RALGAPA2: variants seen among roughly 807,000 people sequenced by gnomAD.
RALGAPA2 encodes Ral GTPase activating protein catalytic subunit alpha 2.
In RALGAPA2, 139 loss-of-function variants were observed where a neutral mutation model predicts 230.4. The observed-to-expected ratio is 0.60, with a 90% CI of 0.53 to 0.69. RALGAPA2 has a LOEUF of 0.69. Ranked by LOEUF, RALGAPA2 falls within the 30% of genes least tolerant of loss-of-function variation. The pLI, the probability that RALGAPA2 is intolerant of heterozygous loss-of-function variation, is 0.00. For synonymous variants in RALGAPA2, 847 were observed against 837.8 expected, an observed-to-expected ratio of 1.01 and a Z score of -0.19; for missense variants, 2,163 against 2,276.0, an observed-to-expected ratio of 0.95 and a Z score of 1.01.
intron 34 of RALGAPA2, chr20:20,505,002 T>C (rs1313199281): frequency 1.0e-6 from 1 of 984,796 alleles, no homozygotes; most frequent in East Asian, 1.1e-4. Context: ...TATTATATTT[T>C]CATTGCAACT....
rs757914210 is a variant in RALGAPA2 at position 20,393,236 on chromosome 20, G to A, written c.*53C>T. The A allele has an allele frequency of 2.2e-6, 3 of 1,354,820 alleles. No homozygotes were observed. The highest frequency in any genetic ancestry group is 3.0e-6 in the Non-Finnish European group (3 of 1,016,504). The allele number at this position is 1,354,820 out of a possible 1,614,324, so 83.9% of individuals were successfully genotyped here. A position where few individuals can be genotyped will look rare whatever the true frequency, so the allele number is the denominator to read the frequency against. ...AGGGGCTCTTCGAGGTCAGCACTCA[G>A]ACTGGAGGCCAGGGCCCCTGCAAAG... On this transcript the variant is annotated 3_prime_UTR_variant, in exon 40 of 40. Transcript: ENST00000202677.
At position 20,526,363 on chromosome 20, in the gene RALGAPA2, CTA is replaced by C. The variant is rs772352179; in HGVS notation, c.3583-3_3583-2del. The C allele has an allele frequency of 5.7e-6, 9 of 1,574,890 alleles. No individual in the cohort carries two copies. The highest frequency in any genetic ancestry group is 7.8e-6 in the Non-Finnish European group (9 of 1,160,844). On this transcript the variant is annotated splice_acceptor_variant and splice_polypyrimidine_tract_variant and intron_variant, in intron 27 of 39. Coordinates refer to ENST00000202677, the MANE Select transcript of RALGAPA2 (RefSeq NM_020343.4). LOFTEE classifies it high-confidence loss of function. ...CCTGGGCCACGATTTTGTTGGGAAA[CTA>C]TAAAAGGAAACCGAATCCCAAAGCA...
At chr20:20,551,634 A>G (rs2063927166) in intron 23 of RALGAPA2, among the ~76,000 whole-genome samples, 1 of 152,246 alleles carries the variant, frequency 6.6e-6, no homozygotes, top group African/African-American at 2.4e-5. Context: ...GCACAGTTCT[A>G]TAAACACAAA....
At chr20:20,676,815 T>C (rs1006317821) in intron 2 of RALGAPA2, among the ~76,000 whole-genome samples, 1 of 152,162 alleles carries the variant, frequency 6.6e-6, no homozygotes, top group Non-Finnish European at 1.5e-5. Context: ...GCGCATATCA[T>C]TTAATATAGG....
chr20:20,430,839 A>G (rs1224776234), intron 37 of RALGAPA2, among the ~76,000 whole-genome samples: 7 of 152,320 alleles, frequency 4.6e-5, no homozygotes, highest in East Asian at 3.9e-4. Context: ...AGGACAGTAC[A>G]TGAGCGAGAG....
chr20:20,407,942 G>C (rs948035511), intron 38 of RALGAPA2, among the ~76,000 whole-genome samples: 1 of 152,206 alleles, frequency 6.6e-6, no homozygotes, highest in South Asian at 2.1e-4. Flanking sequence ...ATGAAGCATA[G>C]TGAGGAATTT....
At chr20:20,515,468 A>G (rs1236174310) in intron 31 of RALGAPA2, among the ~76,000 whole-genome samples, 7 of 152,154 alleles carry the variant, frequency 4.6e-5, no homozygotes. Context: ...GCTGAAGTCT[A>G]CTCCATGAGA....
intron 12 of RALGAPA2, among the ~76,000 whole-genome samples, chr20:20,618,689 C>G (rs922922887): frequency 6.6e-6 from 1 of 152,180 alleles, no homozygotes; most frequent in African/African-American, 2.4e-5. Context: ...TTCACTTACT[C>G]TTCAAGCTAC....
chr20:20,612,412 A>G (rs535763959), intron 13 of RALGAPA2, among the ~76,000 whole-genome samples: 1 of 152,336 alleles, frequency 6.6e-6, no homozygotes, highest in South Asian at 2.1e-4. Context: ...GAATAGGACA[A>G]AGTAATCAGA....
chr20:20,505,570 T>C (rs1489133963), intron 33 of RALGAPA2, 36 bp from the exon 34 acceptor site: 4 of 1,495,066 alleles, frequency 2.7e-6, no homozygotes, highest in Non-Finnish European at 3.6e-6. Flanking sequence ...TTAGAATTCT[T>C]ATATGTAAAA....
At chr20:20,517,623 G>A (rs2062911828) in intron 31 of RALGAPA2, among the ~76,000 whole-genome samples, 2 of 152,142 alleles carry the variant, frequency 1.3e-5, no homozygotes, top group African/African-American at 4.8e-5. Context: ...CAATTCCACA[G>A]GAGACAATGA....
At chr20:20,590,016 TTAATA>T (rs1427427327) in intron 17 of RALGAPA2, among the ~76,000 whole-genome samples, 5 of 151,208 alleles carry the variant, frequency 3.3e-5, no homozygotes, top group Admixed American at 2.0e-4. Context: ...AAAAATTATA[TTAATA>T]TAATATGTAT....
chr20:20,582,978 C>T (rs1156901472), intron 20 of RALGAPA2, 72 bp downstream of exon 20: 2 of 1,498,658 alleles, frequency 1.3e-6, no homozygotes, highest in Non-Finnish European at 9.1e-7. Flanking sequence ...CCTCTGTATA[C>T]AAGACTCCAA....
At chr20:20,462,833 C>T (rs377271770) in intron 37 of RALGAPA2, among the ~76,000 whole-genome samples, 1 of 152,140 alleles carries the variant, frequency 6.6e-6, no homozygotes, top group African/African-American at 2.4e-5. Context: ...GTCTCTTATT[C>T]TAATAAGGTA....
chr20:20,401,390 A>AC (rs1208745759), intron 38 of RALGAPA2, among the ~76,000 whole-genome samples: 3 of 152,016 alleles, frequency 2.0e-5, no homozygotes, highest in Non-Finnish European at 4.4e-5. Flanking sequence ...CTGCTGTGCC[A>AC]CCCCCCAAAC....
intron 1 of RALGAPA2, among the ~76,000 whole-genome samples, chr20:20,683,514 T>A (rs1210332250): frequency 1.3e-5 from 2 of 152,176 alleles, no homozygotes; most frequent in Non-Finnish European, 2.9e-5. Flanking sequence ...TTCTTTCCAT[T>A]CCCCAAACTT....
intron 32 of RALGAPA2, 104 bp downstream of exon 32, chr20:20,512,409 C>G: frequency 8.4e-7 from 1 of 1,192,116 alleles, no homozygotes; most frequent in Non-Finnish European, 1.1e-6. Context: ...CTCCCTTCTC[C>G]TCTCTTCCCC....
chr20:20,514,512 C>T (rs2062812936), intron 31 of RALGAPA2, among the ~76,000 whole-genome samples: 1 of 151,772 alleles, frequency 6.6e-6, no homozygotes, highest in African/African-American at 2.4e-5. Context: ...TCCAGGTATT[C>T]GGCACACTTC....
intron 9 of RALGAPA2, among the ~76,000 whole-genome samples, chr20:20,630,916 T>C (rs1240855656): frequency 6.7e-6 from 1 of 149,954 alleles, no homozygotes; most frequent in African/African-American, 2.5e-5. Context: ...CCCCACAAAC[T>C]AAAAAAGAAA....
Sources: allele counts gnomAD v4.1 joint callset (sites outside exome capture counted in the v4.1 genomes callset), GRCh38; gene constraint gnomAD v4.1.1; transcripts MANE v1.5; gene names NCBI Gene and HGNC (gene_info 2026-07-23, HGNC 2026-07-21).